SMCHD1: variants seen among roughly 807,000 people sequenced by gnomAD.
SMCHD1 encodes structural maintenance of chromosomes flexible hinge domain containing 1, also known as structural maintenance of chromosomes flexible hinge domain-containing protein 1.
SMCHD1 carries 78 observed loss-of-function variants against 254.7 expected under a neutral mutation model. That is an observed-to-expected ratio of 0.31 (90% CI 0.26 to 0.37). The LOEUF is 0.37. Ranked by LOEUF, SMCHD1 falls within the 10% of genes least tolerant of loss-of-function variation. The pLI is 1.00. For synonymous variants in SMCHD1, 766 were observed against 794.9 expected (o/e 0.96, Z 0.61); for missense variants, 1,840 against 2,408.1 (o/e 0.76, Z 4.94).
At chr18:2,657,950 G>GTT (rs879488698) in intron 1 of SMCHD1, among the ~76,000 whole-genome samples, 6 of 141,958 alleles carry the variant, frequency 4.2e-5, no homozygotes, top group African/African-American at 7.7e-5. Flanking sequence ...GCCCAGCTAT[G>GTT]TTTTTTTTTT....
chr18:2,761,659 A>G (rs911235862), intron 35 of SMCHD1, among the ~76,000 whole-genome samples: 3 of 152,106 alleles, frequency 2.0e-5, no homozygotes, highest in African/African-American at 7.2e-5. Context: ...TCTACTAAAA[A>G]TACAAAAATC....
intron 3 of SMCHD1, among the ~76,000 whole-genome samples, chr18:2,667,605 T>C (rs2073475108): frequency 6.6e-6 from 1 of 152,216 alleles, no homozygotes; most frequent in Non-Finnish European, 1.5e-5. Flanking sequence ...AAATTATTTT[T>C]TTCTCATTAT....
At chr18:2,772,672 C>T (rs2076004173) in intron 41 of SMCHD1, among the ~76,000 whole-genome samples, 1 of 152,174 alleles carries the variant, frequency 6.6e-6, no homozygotes, top group Admixed American at 6.5e-5. Flanking sequence ...AGTCTGTCAC[C>T]CAGGCTGGAG....
rs377274854 is a variant in SMCHD1, at chr18:2,771,637, C to T, written c.5052+19C>T. ...ACAACAGGTACAGCTTCCAACTATA[C>T]GTGAAAGATTTTTTATTAAAGTCTA... On this transcript the variant is annotated intron_variant, in intron 40 of 47. Coordinates refer to ENST00000320876, the MANE Select transcript of SMCHD1 (RefSeq NM_015295.3). The T allele has an allele frequency of 9.3e-5, 137 of 1,472,350 alleles. No individual in the cohort carries two copies. Among genetic ancestry groups the T allele is most frequent in the African/African-American group, 2.3e-4 (15 of 65,712 alleles). 91.2% of individuals were successfully genotyped at this position (1,472,350 alleles called of 1,614,324 possible).
chr18:2,795,978 T>G lies in SMCHD1; in HGVS notation c.5749T>G (p.Cys1917Gly). The change falls in exon 46 of 48, where the codon TGC (cysteine) becomes GGC (glycine). Residue 1917 changes from cysteine to glycine, a missense_variant. By Grantham distance (159) the Cys-to-Gly change is radical. This residue lies in a region of SMCHD1 where 132 missense variants were observed against 138.2 expected (regional missense o/e 0.95). Transcript: ENST00000320876. ...TCTTCAGCAGTATCGTTCTGCTGTG[T>G]GCAAACTAGACAGTGTGAATAAGGA... ...DLLQQYRSAV[C>G]KLDSVNKDLN... 1 of 1,597,424 alleles carries G rather than the reference T, an allele frequency of 6.3e-7. No individual in the cohort carries two copies. Among genetic ancestry groups the G allele is most frequent in the Non-Finnish European group, 8.5e-7 (1 of 1,171,640 alleles).
At position 2,770,047 on chromosome 18, in the gene SMCHD1, G is replaced by A. The variant is rs1283832894; in HGVS notation, c.4905G>A (p.Gln1635=). 6.2e-7 allele frequency: 1 copy of A among 1,604,874 alleles called. No individual in the cohort carries two copies. Residue 1635 remains glutamine (Q), a synonymous_variant, in exon 39 of 48, where the codon CAG becomes CAA. Coordinates refer to ENST00000320876, the MANE Select transcript of SMCHD1 (RefSeq NM_015295.3). ...ALTKEKDQLS[Q]SIVMYKSLFE... Reference sequence around the variant, plus strand: ...CAAAAGAAAAGGACCAATTATCTCAGTCTATTGTTATGTATAAAAGTTTAT... The same window carrying A: ...CAAAAGAAAAGGACCAATTATCTCAATCTATTGTTATGTATAAAAGTTTAT...
At chr18:2,679,755 A>T (rs1289846591) in intron 5 of SMCHD1, among the ~76,000 whole-genome samples, 1 of 152,042 alleles carries the variant, frequency 6.6e-6, no homozygotes. Flanking sequence ...GATATATAGA[A>T]TAAAGTTTTT....
At chr18:2,703,451 T>G (rs1598339627) in intron 12 of SMCHD1, among the ~76,000 whole-genome samples, 1 of 152,300 alleles carries the variant, frequency 6.6e-6, no homozygotes, top group Non-Finnish European at 1.5e-5. Flanking sequence ...GTTTTATTGT[T>G]GATATTGACC....
chr18:2,747,456 T>C, intron 29 of SMCHD1, 66 bp from the exon 30 acceptor site: 1 of 1,368,118 alleles, frequency 7.3e-7, no homozygotes, highest in Non-Finnish European at 1.0e-6. Context: ...TACACAAATA[T>C]ACAAGTAATT....
In SMCHD1 at chr18:2,777,916, G is replaced by T; in HGVS notation, c.5476+1G>T. 6.6e-7 allele frequency: 1 copy of T among 1,510,512 alleles called. No individual in the cohort carries two copies. The allele number at this position is 1,510,512 out of a possible 1,614,324, so 93.6% of individuals were successfully genotyped here. A position where few individuals can be genotyped will look rare whatever the true frequency, so the allele number is the denominator to read the frequency against. On this transcript the variant is annotated splice_donor_variant, in intron 43 of 47. Transcript: ENST00000320876. LOFTEE classifies it high-confidence loss of function. ...GATAATGTAGAACATTGTGAAACAG[G>T]TAAAAGACATTATGGTGACTTTACT...
intron 5 of SMCHD1, among the ~76,000 whole-genome samples, chr18:2,681,989 T>G (rs2073941378): frequency 6.6e-6 from 1 of 152,234 alleles, no homozygotes; most frequent in Admixed American, 6.5e-5. Context: ...TTCAGCAAAT[T>G]AAGATGAGCT....
intron 1 of SMCHD1, among the ~76,000 whole-genome samples, chr18:2,659,719 A>G (rs2073185599): frequency 6.7e-6 from 1 of 150,326 alleles, no homozygotes; most frequent in South Asian, 2.1e-4. Flanking sequence ...TTGTATTTTA[A>G]TATAAGATGT....
At chr18:2,747,485 AT>A in intron 29 of SMCHD1, 36 bp from the exon 30 acceptor site, 1 of 1,554,986 alleles carries the variant, frequency 6.4e-7, no homozygotes, top group Non-Finnish European at 8.8e-7. Context: ...TGGCCCATAT[AT>A]TTTAGTGTTT....
chr18:2,672,101 ACCTTAGCCAGATTAC>A, intron 3 of SMCHD1, among the ~76,000 whole-genome samples: 1 of 152,176 alleles, frequency 6.6e-6, no homozygotes, highest in Middle Eastern at 3.4e-3. Flanking sequence ...TGGAGTTATT[ACCTTAGCCAGATTAC>A]CCTTGTACAT....
chr18:2,712,433 C>T (rs1439760501), intron 17 of SMCHD1, among the ~76,000 whole-genome samples: 1 of 152,174 alleles, frequency 6.6e-6, no homozygotes, highest in African/African-American at 2.4e-5. Flanking sequence ...CGTTGAAAAA[C>T]ATGGGTTTGA....
intron 3 of SMCHD1, among the ~76,000 whole-genome samples, chr18:2,668,515 A>G (rs1173336898): frequency 6.6e-6 from 1 of 152,216 alleles, no homozygotes; most frequent in Non-Finnish European, 1.5e-5. Context: ...GAGTGACTTC[A>G]GAGCTTGAAT....
At chr18:2,724,300 C>T (rs1217338232) in intron 20 of SMCHD1, among the ~76,000 whole-genome samples, 1 of 150,982 alleles carries the variant, frequency 6.6e-6, no homozygotes, top group Non-Finnish European at 1.5e-5. Flanking sequence ...AAAATTTTGC[C>T]ACTGCAAAGA....
At chr18:2,670,564 A>G (rs1383910807) in intron 3 of SMCHD1, among the ~76,000 whole-genome samples, 1 of 152,178 alleles carries the variant, frequency 6.6e-6, no homozygotes, top group Non-Finnish European at 1.5e-5. Context: ...CATCTGCTTT[A>G]TTCAGTTCCT....
chr18:2,711,576 G>A (rs1348181123), intron 17 of SMCHD1, among the ~76,000 whole-genome samples: 12 of 139,980 alleles, frequency 8.6e-5, no homozygotes, highest in Non-Finnish European at 1.8e-4. Context: ...TCCGCCTCCC[G>A]GGTTCACGCC....
Sources: allele counts gnomAD v4.1 joint callset (sites outside exome capture counted in the v4.1 genomes callset), GRCh38; gene constraint gnomAD v4.1.1; regional missense constraint gnomAD v4.1.1; transcripts MANE v1.5; gene names NCBI Gene and HGNC (gene_info 2026-07-23, HGNC 2026-07-21).